Variants in NKAIN2 observed in about 807,000 individuals in gnomAD.
NKAIN2 encodes sodium/potassium-transporting ATPase subunit beta-1-interacting protein 2.
NKAIN2 carries 14 observed loss-of-function variants against 32.6 expected under a neutral mutation model. That is an observed-to-expected ratio of 0.43 (90% CI 0.28 to 0.67). NKAIN2 has a LOEUF of 0.67. NKAIN2 is among the 30% of genes least tolerant of loss of function. The pLI is 0.17. For missense variants in NKAIN2, 198 were observed against 258.3 expected (o/e 0.77, Z 1.60); for synonymous variants, 80 against 87.2 (o/e 0.92, Z 0.46).
At chr6:124,435,292 T>G (rs576502713) in intron 3 of NKAIN2, among the ~76,000 whole-genome samples, 2 of 152,116 alleles carry the variant, frequency 1.3e-5, no homozygotes, top group South Asian at 2.1e-4. Flanking sequence ...CATCATTAAG[T>G]TGTATGGAGC....
chr6:124,304,094 C>T (rs985623848), intron 2 of NKAIN2, among the ~76,000 whole-genome samples: 36 of 152,032 alleles, frequency 2.4e-4, no homozygotes, highest in African/African-American at 8.7e-4. Flanking sequence ...GCCAATCAAG[C>T]AGGAATGTAT....
intron 1 of NKAIN2, among the ~76,000 whole-genome samples, chr6:124,042,087 G>C: frequency 6.6e-6 from 1 of 152,078 alleles, no homozygotes; most frequent in South Asian, 2.1e-4. Flanking sequence ...ACATTGAAGA[G>C]AATGATTTTG....
chr6:124,076,121 T>G (rs964257947), intron 1 of NKAIN2, among the ~76,000 whole-genome samples: 4 of 152,180 alleles, frequency 2.6e-5, no homozygotes, highest in African/African-American at 9.7e-5. Flanking sequence ...CAGCAAAAAT[T>G]AGAAAGGAAA....
chr6:124,784,063 G>A (rs1657614496), intron 4 of NKAIN2, among the ~76,000 whole-genome samples: 2 of 152,072 alleles, frequency 1.3e-5, no homozygotes, highest in Non-Finnish European at 2.9e-5. Flanking sequence ...AAGAAAACAA[G>A]CATATCTACT....
intron 3 of NKAIN2, among the ~76,000 whole-genome samples, chr6:124,515,713 C>CGTTTTTTTTTTTTTTTTTTTTTTTT (rs1562232431): frequency 1.5e-5 from 1 of 67,736 alleles, no homozygotes; most frequent in African/African-American, 5.2e-5. Flanking sequence ...TTCGCTTTCT[C>CGTTTTTTTTTTTTTTTTTTTTTTTT]TCCGTCTCGC....
chr6:124,463,393 C>T (rs985786961), intron 3 of NKAIN2, among the ~76,000 whole-genome samples: 1 of 151,982 alleles, frequency 6.6e-6, no homozygotes, highest in Non-Finnish European at 1.5e-5. Flanking sequence ...TTAATGCTTC[C>T]AAGATAAATT....
rs375736300 is a variant in NKAIN2, at chr6:124,139,453, TA to T, written c.55-143548del. On this transcript the variant is annotated intron_variant, in intron 1 of 6. Coordinates refer to ENST00000368417, the MANE Select transcript of NKAIN2 (RefSeq NM_001040214.3). Reference sequence around the variant, plus strand: ...GATCCTCTGCCAAACTGTAAGCTGTTAAAAGTAGGAGCTATGTGAGAAAAAC... The same window carrying T: ...GATCCTCTGCCAAACTGTAAGCTGTTAAAGTAGGAGCTATGTGAGAAAAAC... Among the ~76,000 whole-genome samples the T allele has an allele frequency of 6.0e-4, 91 of 152,290 alleles. No individual in the cohort carries two copies. In the East Asian group the frequency reaches 6.2e-3, roughly 10 times the overall value.
chr6:124,259,196 C>G (rs190489907), intron 1 of NKAIN2, among the ~76,000 whole-genome samples: 2 of 152,192 alleles, frequency 1.3e-5, no homozygotes, highest in Admixed American at 6.5e-5. Context: ...CCCTTCTCAG[C>G]CATTTTCTGT....
chr6:124,086,765 A>T (rs910401971), intron 1 of NKAIN2, among the ~76,000 whole-genome samples: 3 of 151,986 alleles, frequency 2.0e-5, no homozygotes, highest in Non-Finnish European at 4.4e-5. Flanking sequence ...ACAATGAAAA[A>T]TAGTCTTATA....
intron 3 of NKAIN2, among the ~76,000 whole-genome samples, chr6:124,384,947 G>A (rs751320330): frequency 2.6e-5 from 4 of 152,058 alleles, no homozygotes; most frequent in Non-Finnish European, 4.4e-5. Context: ...TTAAATTAAC[G>A]CAGTCAATTC....
At chr6:124,806,769 G>A (rs1465901371) in intron 5 of NKAIN2, among the ~76,000 whole-genome samples, 1 of 145,952 alleles carries the variant, frequency 6.9e-6, no homozygotes, top group African/African-American at 2.6e-5. Flanking sequence ...ACACACATAG[G>A]CTCAAAATAA....
intron 1 of NKAIN2, among the ~76,000 whole-genome samples, chr6:124,129,892 A>T (rs947736603): frequency 1.3e-5 from 2 of 152,208 alleles, no homozygotes; most frequent in Non-Finnish European, 2.9e-5. Context: ...TGCTGGGATT[A>T]TAGGCGTGAG....
chr6:123,825,795 A>AT (rs1774122173), intron 1 of NKAIN2, among the ~76,000 whole-genome samples: 1 of 152,114 alleles, frequency 6.6e-6, no homozygotes, highest in African/African-American at 2.4e-5. Context: ...AAAAACAATG[A>AT]TAAAAACCCT....
intron 1 of NKAIN2, among the ~76,000 whole-genome samples, chr6:124,032,254 T>A (rs201760404): frequency 1.9e-5 from 2 of 106,062 alleles, no homozygotes; most frequent in East Asian, 3.3e-4. Flanking sequence ...CACACTGGGG[T>A]CTGTCGTGGG....
At chr6:124,326,447 G>A (rs897673475) in intron 2 of NKAIN2, among the ~76,000 whole-genome samples, 9 of 152,080 alleles carry the variant, frequency 5.9e-5, no homozygotes, top group Non-Finnish European at 1.2e-4. Flanking sequence ...TCAAATTATA[G>A]CCTTTCTGTG....
chr6:124,806,653 G>A (rs1780578857), intron 5 of NKAIN2, among the ~76,000 whole-genome samples: 1 of 151,996 alleles, frequency 6.6e-6, no homozygotes, highest in African/African-American at 2.4e-5. Context: ...AACTTTAAAT[G>A]TAAATGGACT....
At chr6:124,222,456 G>T (rs896938819) in intron 1 of NKAIN2, among the ~76,000 whole-genome samples, 1 of 152,176 alleles carries the variant, frequency 6.6e-6, no homozygotes, top group Non-Finnish European at 1.5e-5. Flanking sequence ...GCATTGGTAG[G>T]TTGGATGCAA....
At chr6:124,481,920 G>A (rs72971751) in intron 3 of NKAIN2, among the ~76,000 whole-genome samples, 1 of 152,024 alleles carries the variant, frequency 6.6e-6, no homozygotes, top group Non-Finnish European at 1.5e-5. Context: ...GCCTTATAAA[G>A]AGCCTTAGTG....
chr6:124,620,714 A>G (rs1331964043), intron 3 of NKAIN2, among the ~76,000 whole-genome samples: 1 of 152,186 alleles, frequency 6.6e-6, no homozygotes, highest in African/African-American at 2.4e-5. Flanking sequence ...AACAGTGTGT[A>G]TGGTCAGGAT....
Sources: gnomAD v4.1 joint callset for allele counts (sites outside exome capture counted in the v4.1 genomes callset) on GRCh38, gnomAD v4.1.1 for gene constraint, MANE v1.5 for transcripts, NCBI Gene and HGNC (gene_info 2026-07-23, HGNC 2026-07-21) for gene names.